Variants in FBXL17 observed in about 807,000 individuals in gnomAD.
FBXL17 encodes F-box and leucine rich repeat protein 17.
Under a neutral mutation model 66.2 loss-of-function variants are expected in FBXL17, and 22 were observed. The ratio of observed to expected loss-of-function variants is 0.33; its 90% confidence interval spans 0.24 to 0.47. FBXL17 has a LOEUF of 0.47. Among genes scored for constraint, FBXL17 ranks in the 20% least tolerant of loss-of-function variants. The pLI, the probability that FBXL17 is intolerant of heterozygous loss-of-function variation, is 1.00. For synonymous variants in FBXL17, 474 were observed against 400.5 expected (o/e 1.18, Z -2.19); for missense variants, 878 against 948.2 (o/e 0.93, Z 0.97).
chr5:108,244,195 A>T (rs539608970), intron 4 of FBXL17, among the ~76,000 whole-genome samples: 34 of 151,996 alleles, frequency 2.2e-4, no homozygotes, highest in Non-Finnish European at 2.8e-4. Context: ...TCTTTTCCTC[A>T]TATTTCTTCT....
intron 7 of FBXL17, among the ~76,000 whole-genome samples, chr5:107,954,958 A>G (rs1473839666): frequency 1.4e-4 from 21 of 152,178 alleles, no homozygotes; most frequent in Admixed American, 1.4e-3. Context: ...CAGGAAATTC[A>G]ATCTTGTTAA....
chr5:107,928,867 T>C (rs1750626451), intron 7 of FBXL17, among the ~76,000 whole-genome samples: 1 of 152,146 alleles, frequency 6.6e-6, no homozygotes, highest in African/African-American at 2.4e-5. Context: ...ACAGAAGTTA[T>C]ACATATTTCC....
intron 7 of FBXL17, among the ~76,000 whole-genome samples, chr5:107,911,437 T>G (rs2112547513): frequency 6.6e-6 from 1 of 152,270 alleles, no homozygotes; most frequent in East Asian, 1.9e-4. Context: ...AATATCTGAC[T>G]TTGTGTTGCA....
rs186931180 is a variant in FBXL17, at chr5:108,343,653, T to C, written c.1506+4746A>G. Among the ~76,000 whole-genome samples, 7 of 152,302 alleles carry C rather than the reference T, an allele frequency of 4.6e-5. No homozygotes were observed. In the East Asian group the frequency reaches 1.2e-3, roughly 25 times the overall value. On this transcript the variant is annotated intron_variant, in intron 4 of 8. Coordinates refer to ENST00000542267, the MANE Select transcript of FBXL17 (RefSeq NM_001163315.3). The stretch of plus-strand genomic sequence containing the variant: ...TTTCACATAATGCTGAATTAACTAC[T>C]GCTATTTAAACTGTGACACAAATGT...
chr5:108,111,996 G>A (rs761052751), intron 6 of FBXL17, among the ~76,000 whole-genome samples: 7 of 152,170 alleles, frequency 4.6e-5, no homozygotes, highest in Non-Finnish European at 5.9e-5. Flanking sequence ...TAAGTAAAAC[G>A]TTCAATGCCT....
chr5:108,331,401 G>A (rs1457934696), intron 4 of FBXL17, among the ~76,000 whole-genome samples: 3 of 152,136 alleles, frequency 2.0e-5, no homozygotes, highest in Admixed American at 6.5e-5. Context: ...AACTGTGTAC[G>A]AGATAAATAC....
intron 6 of FBXL17, among the ~76,000 whole-genome samples, chr5:108,141,187 A>G (rs1751335074): frequency 6.6e-6 from 1 of 152,126 alleles, no homozygotes; most frequent in Non-Finnish European, 1.5e-5. Context: ...TCTGCCCAGG[A>G]TGGATTATCT....
chr5:108,003,831 T>C (rs1753829483), intron 7 of FBXL17, among the ~76,000 whole-genome samples: 1 of 151,894 alleles, frequency 6.6e-6, no homozygotes, highest in South Asian at 2.1e-4. Context: ...GATTAATAGA[T>C]TAAAAATATA....
chr5:107,870,866 T>G (rs559594280), intron 8 of FBXL17, among the ~76,000 whole-genome samples: 18 of 151,858 alleles, frequency 1.2e-4, no homozygotes, highest in Non-Finnish European at 1.9e-4. Flanking sequence ...GTTAATACAA[T>G]TTTAAGATAA....
intron 7 of FBXL17, among the ~76,000 whole-genome samples, chr5:107,955,022 T>C (rs907593076): frequency 2.0e-5 from 3 of 152,046 alleles, no homozygotes; most frequent in Non-Finnish European, 2.9e-5. Flanking sequence ...ACTTTGAAAA[T>C]TGACTGTCTT....
intron 7 of FBXL17, among the ~76,000 whole-genome samples, chr5:107,903,025 T>C (rs761279903): frequency 5.3e-5 from 8 of 152,164 alleles, no homozygotes; most frequent in Non-Finnish European, 8.8e-5. Context: ...CTTTCCTGTG[T>C]ATTTCATCAA....
At chr5:108,223,860 T>C (rs933277759) in intron 5 of FBXL17, among the ~76,000 whole-genome samples, 2 of 152,162 alleles carry the variant, frequency 1.3e-5, no homozygotes, top group Non-Finnish European at 2.9e-5. Context: ...ATTTAAATGA[T>C]TCTTTTCATA....
In FBXL17 at chr5:108,350,026, C is replaced by A. The variant is rs562302342; in HGVS notation, c.1375-1496G>T. Among the ~76,000 whole-genome samples, 4 of 152,224 alleles carry A rather than the reference C, an allele frequency of 2.6e-5. No homozygotes were observed. The East Asian group carries it at 5.8e-4, about 22-fold the overall frequency. ...ATATTTTTCATTAGTAGTCATCATG[C>A]TCATTAGCTATCAGATTTTTATTGA... On this transcript the variant is annotated intron_variant, in intron 3 of 8. Transcript: ENST00000542267.
intron 4 of FBXL17, among the ~76,000 whole-genome samples, chr5:108,277,944 T>C (rs1757550474): frequency 6.6e-6 from 1 of 152,204 alleles, no homozygotes; most frequent in African/African-American, 2.4e-5. Context: ...CATGCCTCAT[T>C]TGCTTAGAAG....
chr5:108,275,281 A>G (rs1272387963), intron 4 of FBXL17, among the ~76,000 whole-genome samples: 1 of 152,238 alleles, frequency 6.6e-6, no homozygotes, highest in Non-Finnish European at 1.5e-5. Flanking sequence ...AAGTTGGTCA[A>G]AGAGCTAGTT....
Position 108,158,486 on chromosome 5 carries a change from C to A in FBXL17, c.1745+27631G>T, listed in dbSNP as rs1580530780. On this transcript the variant is annotated intron_variant, in intron 6 of 8. Transcript: ENST00000542267. Reference sequence around the variant, plus strand: ...TAAAACTATAACTGTAAAGCAGTGACAGTGGGGCGTGTGTGTGTGTGTCTG... The same window carrying A: ...TAAAACTATAACTGTAAAGCAGTGAAAGTGGGGCGTGTGTGTGTGTGTCTG... Among the ~76,000 whole-genome samples the A allele has an allele frequency of 6.4e-5, 9 of 140,276 alleles. No homozygotes were observed. In the South Asian group the frequency reaches 2.3e-3, roughly 37 times the overall value. The allele number at this position is 140,276 out of a possible 152,430, so 92.0% of individuals were successfully genotyped here.
At chr5:108,325,093 G>C (rs1257199614) in intron 4 of FBXL17, among the ~76,000 whole-genome samples, 1 of 152,016 alleles carries the variant, frequency 6.6e-6, no homozygotes, top group Non-Finnish European at 1.5e-5. Flanking sequence ...AGTTTTGCAA[G>C]ATAACGAGAG....
chr5:108,211,105 C>G (rs1394757296), intron 5 of FBXL17, among the ~76,000 whole-genome samples: 1 of 152,108 alleles, frequency 6.6e-6, no homozygotes, highest in African/African-American at 2.4e-5. Flanking sequence ...GGTTTAAAGT[C>G]TGTTTTATCA....
chr5:108,285,912 A>G (rs891684298), intron 4 of FBXL17, among the ~76,000 whole-genome samples: 3 of 151,930 alleles, frequency 2.0e-5, no homozygotes, highest in African/African-American at 7.2e-5. Context: ...AGTAAACCAT[A>G]TCCAGCAGCT....
Sources: gnomAD v4.1 joint callset for allele counts (sites outside exome capture counted in the v4.1 genomes callset) on GRCh38, gnomAD v4.1.1 for gene constraint, MANE v1.5 for transcripts, NCBI Gene and HGNC (gene_info 2026-07-23, HGNC 2026-07-21) for gene names.